Variants in PSMG2 observed in about 807,000 individuals in gnomAD.
PSMG2 encodes CD40 ligand-activated specific transcript 3.
A neutral mutation model predicts 31.5 loss-of-function variants in PSMG2; 21 were observed. The observed-to-expected ratio is 0.67, with a 90% CI of 0.47 to 0.96. The LOEUF (loss-of-function observed/expected upper bound fraction) is 0.96. Ranked by LOEUF, PSMG2 falls within the 40% of genes least tolerant of loss-of-function variation. The probability of loss-of-function intolerance (pLI) is 0.00; values close to 1 mark genes in which losing one functional copy is unlikely to be tolerated. For synonymous variants in PSMG2, 120 were observed against 110.4 expected, an observed-to-expected ratio of 1.09 and a Z score of -0.54; for missense variants, 318 against 321.2, an observed-to-expected ratio of 0.99 and a Z score of 0.08.
chr18:12,714,176 A>G (rs1263022372), intron 3 of PSMG2, among the ~76,000 whole-genome samples: 2 of 152,160 alleles, frequency 1.3e-5, no homozygotes, highest in African/African-American at 4.8e-5. Flanking sequence ...ACATGTAACT[A>G]TTTACAGTTT....
intron 1 of PSMG2, chr18:12,670,925 A>AT: frequency 6.6e-6 from 1 of 152,196 alleles, no homozygotes; most frequent in East Asian, 1.9e-4. Context: ...CTGGAATTAT[A>AT]GGTGTGAACC....
At chr18:12,672,748 ATG>A in intron 1 of PSMG2, 5 of 973,306 alleles carry the variant, frequency 5.1e-6, no homozygotes, top group Non-Finnish European at 6.1e-6. Context: ...TAAATGATTC[ATG>A]TACTTTCATA....
At chr18:12,718,005 CTTTTTTCTT>C (rs1178675301) in intron 3 of PSMG2, among the ~76,000 whole-genome samples, 5 of 141,896 alleles carry the variant, frequency 3.5e-5, no homozygotes. Context: ...TTTTCTTTTT[CTTTTTTCTT>C]TTTTTTTTTT....
At chr18:12,659,484 T>C (rs1312037489) in intron 1 of PSMG2, among the ~76,000 whole-genome samples, 1 of 152,040 alleles carries the variant, frequency 6.6e-6, no homozygotes, top group South Asian at 2.1e-4. Context: ...CTGGCCAACA[T>C]GGGGAAACCC....
intron 1 of PSMG2, among the ~76,000 whole-genome samples, chr18:12,675,271 A>G (rs894718546): frequency 3.9e-5 from 6 of 152,058 alleles, no homozygotes; most frequent in Admixed American, 1.3e-4. Flanking sequence ...TGGCGGGTGC[A>G]TGTAGTCCCA....
intron 1 of PSMG2, among the ~76,000 whole-genome samples, chr18:12,683,904 A>T (rs2039444180): frequency 6.6e-6 from 1 of 151,848 alleles, no homozygotes; most frequent in South Asian, 2.1e-4. Flanking sequence ...ATATAAAAAG[A>T]AATAATAAAC....
upstream of PSMG2, chr18:12,699,733 G>T: frequency 1.5e-6 from 1 of 668,920 alleles, no homozygotes; most frequent in Non-Finnish European, 2.4e-6. Flanking sequence ...TTATTTTGGG[G>T]GGAAAAAATG....
upstream of PSMG2, among the ~76,000 whole-genome samples, chr18:12,698,249 AAC>A (rs1238115521): frequency 5.9e-4 from 89 of 151,904 alleles, no homozygotes; most frequent in African/African-American, 1.9e-3. Context: ...TATTTATTTA[AAC>A]AGAGTCTCAC....
At chr18:12,679,753 G>A (rs1330001383) in intron 1 of PSMG2, among the ~76,000 whole-genome samples, 3 of 152,044 alleles carry the variant, frequency 2.0e-5, no homozygotes, top group African/African-American at 7.2e-5. Context: ...TCAGACTTAG[G>A]TATGATCATC....
intron 1 of PSMG2, chr18:12,680,902 T>C: frequency 7.5e-7 from 1 of 1,330,404 alleles, no homozygotes; most frequent in Non-Finnish European, 1.0e-6. Flanking sequence ...TACTAAATTA[T>C]AATAAAAATT....
chr18:12,706,477 ACT>A (rs2040269540), intron 1 of PSMG2, 71 bp from the exon 2 acceptor site: 1 of 1,481,146 alleles, frequency 6.8e-7, no homozygotes, highest in South Asian at 1.2e-5. Flanking sequence ...ACAGAGGCAG[ACT>A]CTGTTTCAAA....
intron 1 of PSMG2, chr18:12,678,531 A>G (rs1379551611): frequency 1.2e-6 from 1 of 810,738 alleles, no homozygotes; most frequent in Non-Finnish European, 1.9e-6. Context: ...ACTTAAGGCC[A>G]TAACTACTTC....
chr18:12,702,682 G>C (rs1459335187), upstream of PSMG2: 1 of 1,016,716 alleles, frequency 9.8e-7, no homozygotes, highest in Non-Finnish European at 1.4e-6. Context: ...GCAGCTCCCG[G>C]GGGACGCAAC....
At chr18:12,666,887 TCA>T (rs1374085749) in intron 1 of PSMG2, among the ~76,000 whole-genome samples, 2 of 152,164 alleles carry the variant, frequency 1.3e-5, no homozygotes, top group Non-Finnish European at 2.9e-5. Context: ...AATCCAAACA[TCA>T]GTTTTATTAA....
upstream of PSMG2, among the ~76,000 whole-genome samples, chr18:12,701,295 G>C (rs1168667254): frequency 1.3e-5 from 2 of 152,108 alleles, no homozygotes; most frequent in African/African-American, 4.8e-5. Flanking sequence ...GTCTCCACTG[G>C]TTATCTGGCA....
Position 12,668,597 on chromosome 18 carries a change from C to CAAAAAAAAAAAA in PSMG2, c.-37+9845_-37+9856dup, listed in dbSNP as rs752216074. 1.7e-3 allele frequency among the ~76,000 whole-genome samples: 122 copies of CAAAAAAAAAAAA among 72,800 alleles called. 6 individuals carry two copies. Among genetic ancestry groups the CAAAAAAAAAAAA allele is most frequent in the Non-Finnish European group, 2.3e-3 (94 of 41,394 alleles). 47.8% of individuals were successfully genotyped at this position (72,800 alleles called of 152,430 possible). On this transcript the variant is annotated intron_variant, in intron 1 of 6. Transcript: ENST00000585331. ...TGGGAGACAGAGTAAGATTCCATCT[C>CAAAAAAAAAAAA]AAAAAAAAAAAAAAAAAAAAAAAAA...
rs541510307 is a variant in PSMG2, at chr18:12,697,804, C to T, written c.-36-8746C>T. On this transcript the variant is annotated intron_variant, in intron 1 of 6. Coordinates refer to the PSMG2 transcript ENST00000585331. ...AAATTATCACTGTATAATTGACATACAACTGAAAAATACAGCACATCGAAT... is the reference window on the plus strand; with the variant it reads ...AAATTATCACTGTATAATTGACATATAACTGAAAAATACAGCACATCGAAT... Among the ~76,000 whole-genome samples the T allele has an allele frequency of 6.6e-5, 10 of 150,934 alleles. No homozygotes were observed. The East Asian group carries it at 1.2e-3, about 17-fold the overall frequency.
Position 12,706,611 on chromosome 18 carries a change from A to G in PSMG2, c.119A>G (p.Asn40Ser), listed in dbSNP as rs1239127289. The change falls in exon 2 of 7, where the codon AAT becomes AGT. Residue 40 changes from asparagine to serine, a missense_variant. Asn to Ser is a conservative substitution (Grantham distance 46). Coordinates refer to ENST00000317615, the MANE Select transcript of PSMG2 (RefSeq NM_020232.5). ...ATGGATCTGATTATTTCTACACTGA[A>G]TATGTCTAAGATTGGTTACTTCTAT... ...LAMDLIISTLNMSKIGYFYTD... is the reference protein window; with the variant it reads ...LAMDLIISTLSMSKIGYFYTD... The G allele has an allele frequency of 5.6e-6, 9 of 1,614,024 alleles. No homozygotes were observed. The highest frequency in any genetic ancestry group is 7.6e-6 in the Non-Finnish European group (9 of 1,180,010).
At chr18:12,667,291 C>G (rs745720716) in intron 1 of PSMG2, among the ~76,000 whole-genome samples, 2 of 151,940 alleles carry the variant, frequency 1.3e-5, no homozygotes, top group African/African-American at 2.4e-5. Context: ...CTTGTCTCTA[C>G]AAAAAAATTT....
Sources: gnomAD v4.1 joint callset for allele counts (sites outside exome capture counted in the v4.1 genomes callset) on GRCh38, gnomAD v4.1.1 for gene constraint, MANE v1.5 for transcripts, NCBI Gene and HGNC (gene_info 2026-07-23, HGNC 2026-07-21) for gene names.